Variants in DNAH14 observed in about 807,000 individuals in gnomAD.
DNAH14 encodes dynein axonemal heavy chain 14.
DNAH14 carries 478 observed loss-of-function variants against 520.9 expected under a neutral mutation model. The ratio of observed to expected loss-of-function variants is 0.92; its 90% CI spans 0.85 to 0.99. The LOEUF is 0.99. DNAH14 is among the 50% of genes least tolerant of loss of function. The pLI, the probability that DNAH14 is intolerant of heterozygous loss-of-function variation, is 0.00. For missense variants in DNAH14, 4,831 were observed against 5,234.5 expected (o/e 0.92, Z 2.38); for synonymous variants, 1,581 against 1,757.2 (o/e 0.90, Z 2.51).
Position 225,058,258 on chromosome 1 carries a change from G to T in DNAH14, c.2424+6463G>T, listed in dbSNP as rs530194696. Among the ~76,000 whole-genome samples, 144 of 152,094 alleles carry T rather than the reference G, an allele frequency of 9.5e-4. 1 individual carries two copies. Among genetic ancestry groups the T allele is most frequent in the Non-Finnish European group, 1.6e-3 (107 of 68,018 alleles). On this transcript the variant is annotated intron_variant, in intron 17 of 85. Transcript: ENST00000682510. ...TCAACTTCTTCCTGGTTTAGTCTTG[G>T]GAGGGTGTGTGTGTCAAGGAATTTA...
At chr1:225,089,545 A>G (rs770884520) in intron 21 of DNAH14, among the ~76,000 whole-genome samples, 1 of 151,918 alleles carries the variant, frequency 6.6e-6, no homozygotes, top group Non-Finnish European at 1.5e-5. Flanking sequence ...AAAAACTAGA[A>G]ATCAATAGCC....
chr1:225,351,732 G>A lies in DNAH14; in HGVS notation c.11382G>A (p.Leu3794=). Residue 3794 remains leucine (L), a synonymous_variant, in exon 72 of 86, where the codon CTG becomes CTA. Coordinates refer to ENST00000682510, the MANE Select transcript of DNAH14 (RefSeq NM_001367479.1). ...AGTGCCAATATGTCAGCACTCACCT[G>A]GAACCATTTTCACTTCTGTGCAAAT... ...WRQCQYVSTH[L]EPFSLLCKSL... 6.4e-7 allele frequency: 1 copy of A among 1,551,256 alleles called. No homozygotes were observed.
chr1:225,104,395 T>C (rs3101912), intron 23 of DNAH14, among the ~76,000 whole-genome samples: 30,724 of 152,062 alleles, frequency 0.2, 6,447 homozygotes, highest in African/African-American at 0.53. Flanking sequence ...TGATACTGGC[T>C]TCATAAAATG....
chr1:225,346,937 C>G (rs1000704628), intron 71 of DNAH14, among the ~76,000 whole-genome samples: 1 of 152,158 alleles, frequency 6.6e-6, no homozygotes, highest in Admixed American at 6.5e-5. Flanking sequence ...AGGAGTTAAA[C>G]CTTCCCCCAC....
intron 77 of DNAH14, among the ~76,000 whole-genome samples, chr1:225,369,047 ATAAT>A (rs1197048913): frequency 6.6e-6 from 1 of 152,240 alleles, no homozygotes; most frequent in Non-Finnish European, 1.5e-5. Flanking sequence ...TCTAATGTAA[ATAAT>A]TGATATTTTT....
chr1:225,243,844 C>T (rs1270017101), intron 43 of DNAH14, among the ~76,000 whole-genome samples: 1 of 151,798 alleles, frequency 6.6e-6, no homozygotes, highest in Non-Finnish European at 1.5e-5. Context: ...TTATTTCTTT[C>T]TCCTGCCTGA....
chr1:225,132,870 A>T (rs1477357907), intron 27 of DNAH14, among the ~76,000 whole-genome samples: 4 of 152,134 alleles, frequency 2.6e-5, no homozygotes, highest in Non-Finnish European at 5.9e-5. Flanking sequence ...CCTTTTCTCC[A>T]CAACCTCACC....
intron 54 of DNAH14, among the ~76,000 whole-genome samples, chr1:225,278,129 C>T (rs2149894282): frequency 7.2e-6 from 1 of 138,890 alleles, no homozygotes; most frequent in African/African-American, 3.4e-5. Context: ...TTAAATAAAA[C>T]ACAAGTTTTA....
intron 11 of DNAH14, among the ~76,000 whole-genome samples, chr1:225,033,431 G>T (rs1277590668): frequency 6.6e-6 from 1 of 152,048 alleles, no homozygotes; most frequent in African/African-American, 2.4e-5. Context: ...TGTTCCATTG[G>T]TCTATGTGCC....
intron 36 of DNAH14, among the ~76,000 whole-genome samples, chr1:225,173,274 T>G (rs1048538048): frequency 1.9e-4 from 29 of 152,170 alleles, no homozygotes; most frequent in African/African-American, 6.7e-4. Context: ...CTAATTAAAC[T>G]AAAGAGCTTC....
chr1:225,380,530 G>A (rs140711792), intron 80 of DNAH14, among the ~76,000 whole-genome samples: 8 of 152,338 alleles, frequency 5.3e-5, no homozygotes, highest in East Asian at 1.9e-4. Flanking sequence ...GGTGGGTAGC[G>A]TGTGGCACTG....
chr1:225,388,322 C>CTTGG lies in DNAH14; in HGVS notation c.13078-56_13078-55insTGGT, dbSNP rs2150813942. The CTTGG allele has an allele frequency of 2.8e-6, 3 of 1,058,584 alleles. No homozygotes were observed. The Admixed American group carries it at 6.6e-5, about 23-fold the overall frequency. The allele number at this position is 1,058,584 out of a possible 1,614,324, so 65.6% of individuals were successfully genotyped here. A position where few individuals can be genotyped will look rare whatever the true frequency, so the allele number is the denominator to read the frequency against. On this transcript the variant is annotated intron_variant, in intron 81 of 85. Coordinates refer to ENST00000682510, the MANE Select transcript of DNAH14 (RefSeq NM_001367479.1). ...ATTACCAAGGTTTGCAGAAATGTTC[C>CTTGG]TAATGACCCCAAAGACAAAGAAAAA... is the stretch of plus-strand genomic sequence containing the variant.
intron 49 of DNAH14, among the ~76,000 whole-genome samples, chr1:225,268,898 A>G (rs191255563): frequency 2.6e-4 from 40 of 152,350 alleles, no homozygotes; most frequent in South Asian, 2.3e-3. Flanking sequence ...AAATGGTCAT[A>G]CTGCCCAAGG....
intron 41 of DNAH14, among the ~76,000 whole-genome samples, chr1:225,212,086 G>T (rs1384736719): frequency 1.6e-5 from 2 of 123,538 alleles, no homozygotes; most frequent in Non-Finnish European, 3.1e-5. Context: ...GCCCCGGTGT[G>T]TAATGTTCCC....
In DNAH14 at chr1:225,346,159, A is replaced by G. The variant is rs74147200; in HGVS notation, c.10876A>G (p.Met3626Val). ...AGCTGATCTCACACAAATCAACTAC[A>G]TGTACCAGTTCTCCCTAGACTGGTT... is the stretch of plus-strand genomic sequence containing the variant. ...LVADLTQINY[M>V]YQFSLDWFHQ... Residue 3626 changes from methionine (M) to valine (V), a missense_variant, in exon 70 of 86, where the codon ATG becomes GTG. Met to Val is a conservative substitution (Grantham distance 21, BLOSUM62 1). Coordinates refer to ENST00000682510, the MANE Select transcript of DNAH14 (RefSeq NM_001367479.1). 8.9e-3 allele frequency: 13,842 copies of G among 1,551,692 alleles called. 145 individuals are homozygous for G. The highest frequency in any genetic ancestry group is 0.044 in the African/African-American group (3,242 of 73,170).
chr1:225,326,474 T>A (rs1347604892), intron 64 of DNAH14, among the ~76,000 whole-genome samples: 1 of 137,524 alleles, frequency 7.3e-6, no homozygotes, highest in Non-Finnish European at 1.5e-5. Context: ...GGGGCCAGGT[T>A]AGGCAATGTG....
intron 36 of DNAH14, among the ~76,000 whole-genome samples, chr1:225,171,670 C>T (rs2082684263): frequency 6.6e-6 from 1 of 152,176 alleles, no homozygotes; most frequent in African/African-American, 2.4e-5. Flanking sequence ...GACAGATTCA[C>T]AGCCGACTTC....
chr1:225,125,585 G>C (rs955032233), intron 27 of DNAH14, among the ~76,000 whole-genome samples: 1 of 152,196 alleles, frequency 6.6e-6, no homozygotes, highest in Non-Finnish European at 1.5e-5. Context: ...GAATTGAAAA[G>C]AGTTAGAGCC....
intron 60 of DNAH14, among the ~76,000 whole-genome samples, chr1:225,316,938 G>C (rs1351818226): frequency 6.6e-6 from 1 of 152,150 alleles, no homozygotes; most frequent in Non-Finnish European, 1.5e-5. Flanking sequence ...TTGATCAAAT[G>C]TGTTTTTCAT....
Sources: gnomAD v4.1 joint callset for allele counts (sites outside exome capture counted in the v4.1 genomes callset) on GRCh38, gnomAD v4.1.1 for gene constraint, MANE v1.5 for transcripts, NCBI Gene and HGNC (gene_info 2026-07-23, HGNC 2026-07-21) for gene names.